Variants in SNX29 observed in about 807,000 individuals in gnomAD.
SNX29 encodes sorting nexin 29.
SNX29 carries 78 observed loss-of-function variants against 102.1 expected under a neutral mutation model. That is an observed-to-expected ratio of 0.76 (90% CI 0.64 to 0.92). The LOEUF (loss-of-function observed/expected upper bound fraction) is 0.92, where lower values mean the gene tolerates loss of function less well. Among genes scored for constraint, SNX29 ranks in the 40% least tolerant of loss-of-function variants. The pLI, the probability that SNX29 is intolerant of heterozygous loss-of-function variation, is 0.00. For synonymous variants in SNX29, 580 were observed against 414.5 expected (o/e 1.40, Z -4.85); for missense variants, 1,280 against 1,061.7 (o/e 1.21, Z -2.86).
intron 14 of SNX29, among the ~76,000 whole-genome samples, chr16:12,277,127 C>T (rs1468263894): frequency 6.6e-6 from 1 of 152,138 alleles, no homozygotes; most frequent in African/African-American, 2.4e-5. Context: ...GTGGTTCACA[C>T]CTGTAGTCTC....
chr16:12,341,994 C>T (rs1265528033), intron 15 of SNX29, among the ~76,000 whole-genome samples: 2 of 152,166 alleles, frequency 1.3e-5, no homozygotes, highest in Admixed American at 6.5e-5. Flanking sequence ...CTTGAGACCC[C>T]AGCTTCATAG....
intron 16 of SNX29, among the ~76,000 whole-genome samples, chr16:12,390,935 C>A (rs536165020): frequency 1.3e-5 from 2 of 151,434 alleles, no homozygotes; most frequent in African/African-American, 2.4e-5. Flanking sequence ...GGAAATAAAT[C>A]GCAACAAATT....
At chr16:12,075,059 C>T (rs1397875476) in intron 10 of SNX29, among the ~76,000 whole-genome samples, 1 of 152,168 alleles carries the variant, frequency 6.6e-6, no homozygotes. Flanking sequence ...TCTAGTTATA[C>T]ATTCGTCTAA....
intron 15 of SNX29, among the ~76,000 whole-genome samples, chr16:12,346,976 C>A (rs1405596532): frequency 1.3e-5 from 2 of 152,160 alleles, no homozygotes; most frequent in African/African-American, 4.8e-5. Flanking sequence ...TGACGGTCAC[C>A]TAAACCTCTG....
chr16:12,443,384 C>G (rs570701801), intron 18 of SNX29: 1 of 160,600 alleles, frequency 6.2e-6, no homozygotes, highest in East Asian at 1.8e-4. Context: ...ACATGTTTTA[C>G]CTTTTCTTCT....
At chr16:12,338,389 G>A (rs1445329040) in intron 15 of SNX29, among the ~76,000 whole-genome samples, 2 of 152,188 alleles carry the variant, frequency 1.3e-5, no homozygotes, top group African/African-American at 4.8e-5. Context: ...GACCAGCAGA[G>A]GGACTGCCTT....
intron 14 of SNX29, among the ~76,000 whole-genome samples, chr16:12,206,905 A>C (rs901797334): frequency 6.7e-6 from 1 of 148,560 alleles, no homozygotes; most frequent in Non-Finnish European, 1.5e-5. Context: ...GGAGGATATC[A>C]CTTTCCAATT....
intron 19 of SNX29, among the ~76,000 whole-genome samples, chr16:12,488,963 A>T (rs1238343138): frequency 1.3e-5 from 2 of 152,210 alleles, no homozygotes; most frequent in African/African-American, 4.8e-5. Flanking sequence ...TCCGTTGGGC[A>T]TTAAACGTTG....
At chr16:12,214,854 A>G (rs73504113) in intron 14 of SNX29, among the ~76,000 whole-genome samples, 4,563 of 152,182 alleles carry the variant, frequency 0.03, 223 homozygotes, top group African/African-American at 0.1. Context: ...TCCCAGGTCT[A>G]TTGCTGCCTA....
At chr16:12,544,345 C>CT (rs1362050373) in intron 20 of SNX29, among the ~76,000 whole-genome samples, 4 of 152,170 alleles carry the variant, frequency 2.6e-5, no homozygotes, top group African/African-American at 9.7e-5. Context: ...AAAGTCAGTA[C>CT]TGTTGGAAAG....
At chr16:12,362,436 C>G (rs1424346769) in intron 16 of SNX29, among the ~76,000 whole-genome samples, 7 of 152,112 alleles carry the variant, frequency 4.6e-5, no homozygotes, top group Admixed American at 4.6e-4. Context: ...TTTTGAGGCT[C>G]AAAATCCTTT....
At chr16:12,552,599 T>C (rs148173742) in intron 20 of SNX29, among the ~76,000 whole-genome samples, 1 of 152,100 alleles carries the variant, frequency 6.6e-6, no homozygotes, top group African/African-American at 2.4e-5. Context: ...TATATTCTCA[T>C]GGGGATGACT....
chr16:12,477,899 C>T (rs757066780), intron 19 of SNX29, 40 bp downstream of exon 19: 26 of 1,541,260 alleles, frequency 1.7e-5, no homozygotes, highest in Middle Eastern at 1.7e-4. Context: ...TCACTGCCTG[C>T]GTTAAAATGG....
intron 11 of SNX29, among the ~76,000 whole-genome samples, chr16:12,114,505 C>T (rs1306801335): frequency 6.6e-6 from 1 of 152,098 alleles, no homozygotes; most frequent in East Asian, 1.9e-4. Flanking sequence ...CAGTGAGTAT[C>T]ACTGTGGTTA....
intron 20 of SNX29, among the ~76,000 whole-genome samples, chr16:12,562,672 T>G (rs12935414): frequency 9.9e-5 from 15 of 151,950 alleles, no homozygotes; most frequent in Admixed American, 9.2e-4. Flanking sequence ...AAAGTCTAGA[T>G]TTACAGGCAC....
At chr16:12,238,098 G>A (rs1173809098) in intron 14 of SNX29, among the ~76,000 whole-genome samples, 3 of 152,186 alleles carry the variant, frequency 2.0e-5, no homozygotes, top group Non-Finnish European at 4.4e-5. Flanking sequence ...ATGAACCTCG[G>A]TGGAGGGGCA....
chr16:12,408,210 C>A (rs1305742493), intron 18 of SNX29, among the ~76,000 whole-genome samples: 11 of 151,720 alleles, frequency 7.3e-5, no homozygotes, highest in African/African-American at 2.2e-4. Context: ...GGGACAGTCA[C>A]CCTCATTCCA....
Position 12,036,126 on chromosome 16 carries a change from G to A in SNX29, c.248-6771G>A, listed in dbSNP as rs1432733687. Among the ~76,000 whole-genome samples the A allele has an allele frequency of 2.0e-5, 3 of 152,082 alleles. No individual in the cohort carries two copies. The East Asian group carries it at 5.8e-4, about 29-fold the overall frequency. Reference sequence around the variant, plus strand: ...GCCTTGCTCTGTTAACTAGGCTGGAGTGCAGTGGTGCAATCATAGCTCACT... The same window carrying A: ...GCCTTGCTCTGTTAACTAGGCTGGAATGCAGTGGTGCAATCATAGCTCACT... On this transcript the variant is annotated intron_variant, in intron 4 of 20. Transcript: ENST00000566228.
chr16:12,045,063 A>G (rs1450286794), intron 5 of SNX29, among the ~76,000 whole-genome samples: 1 of 152,242 alleles, frequency 6.6e-6, no homozygotes, highest in African/African-American at 2.4e-5. Context: ...GGATGTTGGG[A>G]AAACACATTC....
Sources: allele counts gnomAD v4.1 joint callset (sites outside exome capture counted in the v4.1 genomes callset), GRCh38; gene constraint gnomAD v4.1.1; transcripts MANE v1.5; gene names NCBI Gene and HGNC (gene_info 2026-07-23, HGNC 2026-07-21).